The following TMEM167B variants were observed in gnomAD, a reference collection of about 807,000 sequenced individuals.
TMEM167B encodes the protein transmembrane protein 167B.
A neutral mutation model predicts 9.4 loss-of-function variants in TMEM167B; 2 were observed. That is an observed-to-expected ratio of 0.21 (90% confidence interval 0.09 to 0.67). The LOEUF (loss-of-function observed/expected upper bound fraction) is 0.67, where lower values mean the gene tolerates loss of function less well. Among genes scored for constraint, TMEM167B ranks in the 30% least tolerant of loss-of-function variants. The pLI is 0.82. For synonymous variants in TMEM167B, 28 were observed against 32.0 expected (o/e 0.87, Z 0.42); for missense variants, 68 against 87.6 (o/e 0.78, Z 0.89).
intron 1 of TMEM167B, among the ~76,000 whole-genome samples, chr1:109,092,632 C>T (rs536130787): frequency 6.6e-6 from 1 of 152,158 alleles, no homozygotes; most frequent in African/African-American, 2.4e-5. Context: ...AGTGCAGTGG[C>T]ATGATCGTAG....
At chr1:109,094,391 G>C (rs1557994392) in intron 2 of TMEM167B, 26 bp from the exon 3 acceptor site, 1 of 1,613,074 alleles carries the variant, frequency 6.2e-7, no homozygotes, top group African/African-American at 1.3e-5. Flanking sequence ...GGCAGGGTGT[G>C]ATTTCTTCTC....
chr1:109,094,354 A>G (rs1270335292), intron 2 of TMEM167B, 63 bp from the exon 3 acceptor site: 8 of 1,526,336 alleles, frequency 5.2e-6, no homozygotes, highest in Non-Finnish European at 7.3e-6. Flanking sequence ...TCAAAATATC[A>G]CCTTGAAAGT....
chr1:109,092,769 C>A (rs1425291267), intron 1 of TMEM167B, 121 bp from the exon 2 acceptor site: 3 of 1,121,164 alleles, frequency 2.7e-6, no homozygotes, highest in Admixed American at 2.2e-5. Context: ...GTCAGTACTG[C>A]CTGTTGAGGT....
At chr1:109,094,295 C>A in intron 2 of TMEM167B, 122 bp from the exon 3 acceptor site, 1 of 959,428 alleles carries the variant, frequency 1.0e-6, no homozygotes, top group South Asian at 1.5e-5. Flanking sequence ...AAAATAAAAA[C>A]ATCCCAGGCC....
chr1:109,094,577 T>TTC lies in TMEM167B; in HGVS notation c.*78_*79insTC. The TTC allele has an allele frequency of 7.1e-7, 1 of 1,407,848 alleles. No individual in the cohort carries two copies. The highest frequency in any genetic ancestry group is 1.0e-6 in the Non-Finnish European group (1 of 996,242). The allele number at this position is 1,407,848 out of a possible 1,614,324, so 87.2% of individuals were successfully genotyped here. ...ACCTGTTGGAGACCTGAACCCAGTG[T>TTC]AGGAGAGTTCAGCTGAAATCATCGG... On this transcript the variant is annotated 3_prime_UTR_variant, in exon 3 of 3. Transcript: ENST00000338272.
chr1:109,094,304 C>A, intron 2 of TMEM167B, 113 bp from the exon 3 acceptor site: 1 of 1,027,950 alleles, frequency 9.7e-7, no homozygotes, highest in Non-Finnish European at 1.5e-6. Flanking sequence ...ACATCCCAGG[C>A]CCTTGAGAGC....
intron 1 of TMEM167B, among the ~76,000 whole-genome samples, chr1:109,092,002 C>CA (rs756023653): frequency 1.5e-4 from 23 of 152,318 alleles, no homozygotes; most frequent in Admixed American, 3.9e-4. Context: ...AGCAGTTTGA[C>CA]ACGGTAGTTG....
chr1:109,094,576 G>A lies in TMEM167B; in HGVS notation c.*77G>A, dbSNP rs1179378431. ...AACCTGTTGGAGACCTGAACCCAGT[G>A]TAGGAGAGTTCAGCTGAAATCATCG... On this transcript the variant is annotated 3_prime_UTR_variant, in exon 3 of 3. Transcript: ENST00000338272. 6.4e-6 allele frequency: 9 copies of A among 1,410,344 alleles called. No homozygotes were observed. In the African/African-American group the frequency reaches 8.5e-5, roughly 13 times the overall value. The allele number at this position is 1,410,344 out of a possible 1,614,324, so 87.4% of individuals were successfully genotyped here. A position where few individuals can be genotyped will look rare whatever the true frequency, so the allele number is the denominator to read the frequency against.
At chr1:109,091,205 A>C (rs1664441848) in intron 1 of TMEM167B, among the ~76,000 whole-genome samples, 1 of 152,182 alleles carries the variant, frequency 6.6e-6, no homozygotes, top group African/African-American at 2.4e-5. Flanking sequence ...AACCCGGGGA[A>C]GAGAGAGGCT....
chr1:109,092,078 G>C (rs759864740), intron 1 of TMEM167B, among the ~76,000 whole-genome samples: 4 of 152,124 alleles, frequency 2.6e-5, no homozygotes, highest in Non-Finnish European at 5.9e-5. Context: ...TTTGCAATTA[G>C]GTGATTCATT....
At position 109,096,311 on chromosome 1, in the gene TMEM167B, C is replaced by G. The variant is rs1482093074; in HGVS notation, c.*1812C>G. Reference sequence around the variant, plus strand: ...TAGTGGAACAGGAAAGAGAGTTACACCTTGTGGGTGTGAGTTTGGGACCTG... The same window carrying G: ...TAGTGGAACAGGAAAGAGAGTTACAGCTTGTGGGTGTGAGTTTGGGACCTG... On this transcript the variant is annotated 3_prime_UTR_variant, in exon 3 of 3. Transcript: ENST00000338272. The G allele has an allele frequency of 2.0e-5, 3 of 152,120 alleles. No homozygotes were observed. The highest frequency in any genetic ancestry group is 4.4e-5 in the Non-Finnish European group (3 of 68,016). 9.4% of individuals were successfully genotyped at this position (152,120 alleles called of 1,614,324 possible). A position where few individuals can be genotyped will look rare whatever the true frequency, so the allele number is the denominator to read the frequency against.
Position 109,095,172 on chromosome 1 carries a change from G to A in TMEM167B, c.*673G>A, listed in dbSNP as rs1254715605. ...AATTTGAGAATTATCTGTGTGATGA[G>A]ACCAGAAAGCAGTGGCTTAGACAAG... On this transcript the variant is annotated 3_prime_UTR_variant, in exon 3 of 3. Coordinates refer to ENST00000338272, the MANE Select transcript of TMEM167B (RefSeq NM_020141.4). 1.3e-5 allele frequency: 2 copies of A among 152,324 alleles called. No homozygotes were observed. The highest frequency in any genetic ancestry group is 3.9e-4 in the East Asian group (2 of 5,194). The allele number at this position is 152,324 out of a possible 1,614,324, so 9.4% of individuals were successfully genotyped here. A position where few individuals can be genotyped will look rare whatever the true frequency, so the allele number is the denominator to read the frequency against.
intron 1 of TMEM167B, among the ~76,000 whole-genome samples, chr1:109,092,213 T>C (rs1664465568): frequency 6.6e-6 from 1 of 152,228 alleles, no homozygotes; most frequent in South Asian, 2.1e-4. Context: ...GTTATTATTC[T>C]GGCAGAAATT....
chr1:109,093,363 G>C lies in TMEM167B; in HGVS notation c.142+342G>C, dbSNP rs1345129257. The C allele has an allele frequency of 2.6e-5, 6 of 228,886 alleles. No homozygotes were observed. In the South Asian group the frequency reaches 3.3e-4, roughly 13 times the overall value. 14.2% of individuals were successfully genotyped at this position (228,886 alleles called of 1,614,324 possible). On this transcript the variant is annotated intron_variant, in intron 2 of 2. Coordinates refer to ENST00000338272, the MANE Select transcript of TMEM167B (RefSeq NM_020141.4). ...AAAAATTAGCCAGGTATGGTGGCACGTGCCTGTAGTCCCAGTTACTCAGGA... is the reference window on the plus strand; with the variant it reads ...AAAAATTAGCCAGGTATGGTGGCACCTGCCTGTAGTCCCAGTTACTCAGGA...
At chr1:109,093,562 G>A (rs2102128193) in intron 2 of TMEM167B, 1 of 152,952 alleles carries the variant, frequency 6.5e-6, no homozygotes, top group East Asian at 1.9e-4. Context: ...TATTCTCCAT[G>A]GAGTAAAAGT....
intron 1 of TMEM167B, among the ~76,000 whole-genome samples, chr1:109,092,319 T>C (rs150915327): frequency 5.9e-4 from 90 of 152,326 alleles, no homozygotes; most frequent in African/African-American, 2.0e-3. Flanking sequence ...TTAAGCTTAA[T>C]TTTTTGCCTT....
At position 109,090,900 on chromosome 1, in the gene TMEM167B, G is replaced by C. The variant is rs750847784; in HGVS notation, c.10+18G>C. On this transcript the variant is annotated intron_variant, in intron 1 of 2. Coordinates refer to ENST00000338272, the MANE Select transcript of TMEM167B (RefSeq NM_020141.4). The stretch of plus-strand genomic sequence containing the variant: ...GACGAACGGTGAGAACTGATGCCCT[G>C]AGCGGAGGGTGGGAGTGAAGGACGA... 3 of 1,587,398 alleles carry C rather than the reference G, an allele frequency of 1.9e-6. No homozygotes were observed. In the Admixed American group the frequency reaches 5.2e-5, roughly 28 times the overall value.
chr1:109,090,842 G>T lies in TMEM167B; in HGVS notation c.-31G>T. On this transcript the variant is annotated 5_prime_UTR_variant, in exon 1 of 3. Transcript: ENST00000338272. ...TCCGCCGCTATTACCACTGAACCCGGACCCCCTACCCAGGTCCAGGGCCAG... is the reference window on the plus strand; with the variant it reads ...TCCGCCGCTATTACCACTGAACCCGTACCCCCTACCCAGGTCCAGGGCCAG... The T allele has an allele frequency of 6.3e-7, 1 of 1,582,664 alleles. No homozygotes were observed. Among genetic ancestry groups the T allele is most frequent in the South Asian group, 1.2e-5 (1 of 86,614 alleles).
chr1:109,094,280 A>G (rs989427469), intron 2 of TMEM167B, 137 bp from the exon 3 acceptor site: 3 of 870,430 alleles, frequency 3.4e-6, no homozygotes, highest in South Asian at 3.4e-5. Context: ...ACTGCCTCCA[A>G]AAATAAAATA....
Sources: gnomAD v4.1 joint callset for allele counts (sites outside exome capture counted in the v4.1 genomes callset) on GRCh38, gnomAD v4.1.1 for gene constraint, MANE v1.5 for transcripts, NCBI Gene and HGNC (gene_info 2026-07-23, HGNC 2026-07-21) for gene names.